ABI1: variants seen among roughly 807,000 people sequenced by gnomAD.
The protein encoded by ABI1 is abl interactor 1.
In ABI1, 14 loss-of-function variants were observed where a neutral mutation model predicts 54.6. That is an observed-to-expected ratio of 0.26 (90% CI 0.17 to 0.40). The LOEUF (loss-of-function observed/expected upper bound fraction) is 0.40, where lower values mean the gene tolerates loss of function less well. Ranked by LOEUF, ABI1 falls within the 10% of genes least tolerant of loss-of-function variation. The pLI is 1.00. For synonymous variants in ABI1, 194 were observed against 209.3 expected (o/e 0.93, Z 0.63); for missense variants, 443 against 598.3 (o/e 0.74, Z 2.71).
chr10:26,764,032 G>C, intron 7 of ABI1: 1 of 1,197,094 alleles, frequency 8.4e-7, no homozygotes, highest in Non-Finnish European at 1.2e-6. Flanking sequence ...CAGCAAGAAA[G>C]TACAATGTAT....
At chr10:26,820,711 G>A (rs1388985834) in intron 2 of ABI1, among the ~76,000 whole-genome samples, 1 of 151,372 alleles carries the variant, frequency 6.6e-6, no homozygotes, top group African/African-American at 2.4e-5. Flanking sequence ...AGCCTCCTGA[G>A]TGAGTAGCTG....
At chr10:26,769,597 T>C (rs1230018513) in intron 5 of ABI1, among the ~76,000 whole-genome samples, 1 of 152,134 alleles carries the variant, frequency 6.6e-6, no homozygotes, top group African/African-American at 2.4e-5. Context: ...ATATTTCCAG[T>C]ATTAAGAAAA....
intron 2 of ABI1, among the ~76,000 whole-genome samples, chr10:26,804,059 T>C (rs1031068184): frequency 6.6e-6 from 1 of 151,992 alleles, no homozygotes; most frequent in Non-Finnish European, 1.5e-5. Flanking sequence ...GCAAAAGCAA[T>C]GTCCAGGGAG....
intron 1 of ABI1, among the ~76,000 whole-genome samples, chr10:26,845,580 T>C (rs2049909502): frequency 6.6e-6 from 1 of 151,536 alleles, no homozygotes; most frequent in Admixed American, 6.6e-5. Flanking sequence ...GAGGTGGAGG[T>C]TGCAGTGAAC....
Position 26,823,148 on chromosome 10 carries a change from T to C in ABI1, c.275A>G (p.His92Arg). 6.3e-7 allele frequency: 1 copy of C among 1,596,766 alleles called. No individual in the cohort carries two copies. The highest frequency in any genetic ancestry group is 8.5e-7 in the Non-Finnish European group (1 of 1,175,058). ...QLRRMESSIN[H>R]ISQTVDIHKE... Reference sequence around the variant, plus strand: ...TTTATAAGCTGTTACCTGTGAGATATGATTGATGGAAGACTCCATTCTCCG... The same window carrying C: ...TTTATAAGCTGTTACCTGTGAGATACGATTGATGGAAGACTCCATTCTCCG... Residue 92 changes from histidine (H) to arginine (R), a missense_variant, in exon 2 of 11, where the codon CAT becomes CGT. His to Arg is a conservative substitution (Grantham distance 29). Coordinates refer to ENST00000376140, the MANE Select transcript of ABI1 (RefSeq NM_001012750.3).
At chr10:26,830,908 A>T (rs1013894875) in intron 1 of ABI1, among the ~76,000 whole-genome samples, 1 of 151,946 alleles carries the variant, frequency 6.6e-6, no homozygotes, top group African/African-American at 2.4e-5. Flanking sequence ...CCATTTTTTT[A>T]ATTTTAAAGA....
intron 8 of ABI1, among the ~76,000 whole-genome samples, chr10:26,757,453 A>C (rs565388525): frequency 3.2e-4 from 48 of 152,268 alleles, no homozygotes; most frequent in African/African-American, 1.1e-3. Flanking sequence ...TTAAATGTCT[A>C]AGTGGGGAAA....
At chr10:26,852,113 G>GT (rs2050441912) in intron 1 of ABI1, among the ~76,000 whole-genome samples, 1 of 152,030 alleles carries the variant, frequency 6.6e-6, no homozygotes, top group Non-Finnish European at 1.5e-5. Flanking sequence ...GGGAACATAG[G>GT]AGACCCCAAC....
chr10:26,805,490 A>G (rs1298636153), intron 2 of ABI1, among the ~76,000 whole-genome samples: 2 of 152,160 alleles, frequency 1.3e-5, no homozygotes, highest in Non-Finnish European at 2.9e-5. Flanking sequence ...ATTTTAGGAC[A>G]CAACAAAGAA....
At chr10:26,807,552 G>A (rs1193362063) in intron 2 of ABI1, among the ~76,000 whole-genome samples, 1 of 152,220 alleles carries the variant, frequency 6.6e-6, no homozygotes, top group African/African-American at 2.4e-5. Context: ...ATGGGCAGCA[G>A]CTGAAATCTT....
intron 1 of ABI1, among the ~76,000 whole-genome samples, chr10:26,845,620 A>C (rs1276769592): frequency 6.6e-6 from 1 of 152,102 alleles, no homozygotes; most frequent in Middle Eastern, 3.2e-3. Context: ...TCCATCCTGG[A>C]CAACAAGAGC....
intron 2 of ABI1, among the ~76,000 whole-genome samples, chr10:26,807,604 C>T (rs951208668): frequency 2.6e-5 from 4 of 152,280 alleles, no homozygotes; most frequent in African/African-American, 7.2e-5. Context: ...ATGCAGTTCG[C>T]TCCACACACA....
chr10:26,783,149 T>C (rs1039991516), intron 2 of ABI1, among the ~76,000 whole-genome samples: 10 of 152,178 alleles, frequency 6.6e-5, no homozygotes, highest in Non-Finnish European at 1.0e-4. Flanking sequence ...TTCTGACACA[T>C]GCTACAATAT....
intron 1 of ABI1, among the ~76,000 whole-genome samples, chr10:26,848,187 C>T (rs1273386741): frequency 8.4e-5 from 10 of 118,986 alleles, no homozygotes; most frequent in African/African-American, 3.4e-4. Flanking sequence ...GGCAACAGAG[C>T]GAGACCCTGT....
At chr10:26,818,794 A>G (rs555582382) in intron 2 of ABI1, among the ~76,000 whole-genome samples, 1 of 152,122 alleles carries the variant, frequency 6.6e-6, no homozygotes, top group South Asian at 2.1e-4. Flanking sequence ...GTTCAAGACC[A>G]ACCTGGCCAA....
intron 2 of ABI1, among the ~76,000 whole-genome samples, chr10:26,814,029 C>T (rs1272446985): frequency 6.6e-6 from 1 of 152,150 alleles, no homozygotes; most frequent in Non-Finnish European, 1.5e-5. Context: ...TAGGTACCCG[C>T]CCTACCTCCC....
rs142033696 is a variant in ABI1 at position 26,825,500 on chromosome 10, A to C, written c.118-2195T>G. On this transcript the variant is annotated intron_variant, in intron 1 of 10. Coordinates refer to ENST00000376140, the MANE Select transcript of ABI1 (RefSeq NM_001012750.3). Reference sequence around the variant, plus strand: ...ACATGGTGAAACCCTGTCTCTACTAAAAATACAAAAAATAGCTTGGCATGG... The same window carrying C: ...ACATGGTGAAACCCTGTCTCTACTACAAATACAAAAAATAGCTTGGCATGG... Among the ~76,000 whole-genome samples the C allele has an allele frequency of 0.018, 2,703 of 152,174 alleles. 185 individuals are homozygous for C. The South Asian group carries it at 0.19, about 11-fold the overall frequency.
chr10:26,800,028 A>T (rs2046443604), intron 2 of ABI1, among the ~76,000 whole-genome samples: 1 of 151,220 alleles, frequency 6.6e-6, no homozygotes, highest in Admixed American at 6.6e-5. Context: ...AAAAAAAATT[A>T]AGACAGTGGG....
At chr10:26,758,086 A>C (rs984262961) in intron 8 of ABI1, among the ~76,000 whole-genome samples, 2 of 151,482 alleles carry the variant, frequency 1.3e-5, no homozygotes, top group African/African-American at 2.4e-5. Flanking sequence ...AAAAAAAAAA[A>C]AAAAAAAACT....
Sources: gnomAD v4.1 joint callset for allele counts (sites outside exome capture counted in the v4.1 genomes callset) on GRCh38, gnomAD v4.1.1 for gene constraint, MANE v1.5 for transcripts, NCBI Gene and HGNC (gene_info 2026-07-23, HGNC 2026-07-21) for gene names.